Variants in LRFN2 observed in about 807,000 individuals in gnomAD.
LRFN2 encodes leucine rich repeat and fibronectin type III domain containing 2.
Under a neutral mutation model 37.3 loss-of-function variants are expected in LRFN2, and 18 were observed. The ratio of observed to expected loss-of-function variants is 0.48; its 90% CI spans 0.33 to 0.72. The LOEUF is 0.72. LRFN2 is among the 30% of genes least tolerant of loss of function. LRFN2 has a pLI of 0.02. For missense variants in LRFN2, 1,006 were observed against 1,060.7 expected, an observed-to-expected ratio of 0.95 and a Z score of 0.72; for synonymous variants, 556 against 466.6, an observed-to-expected ratio of 1.19 and a Z score of -2.47.
chr6:40,580,928 T>A (rs1184445872), intron 1 of LRFN2, among the ~76,000 whole-genome samples: 1 of 152,182 alleles, frequency 6.6e-6, no homozygotes, highest in Admixed American at 6.5e-5. Flanking sequence ...CATAAATGTA[T>A]GTGTGTATAA....
intron 1 of LRFN2, among the ~76,000 whole-genome samples, chr6:40,499,457 A>G (rs1243204967): frequency 6.6e-6 from 1 of 152,158 alleles, no homozygotes; most frequent in Non-Finnish European, 1.5e-5. Context: ...GCTGACTCCC[A>G]GGGTCAGAGC....
intron 1 of LRFN2, among the ~76,000 whole-genome samples, chr6:40,553,694 G>T (rs949525872): frequency 6.6e-6 from 1 of 152,206 alleles, no homozygotes; most frequent in African/African-American, 2.4e-5. Flanking sequence ...AGTTCTTAAT[G>T]AATTCGCCTC....
intron 1 of LRFN2, among the ~76,000 whole-genome samples, chr6:40,451,880 G>A (rs1417565752): frequency 6.6e-6 from 1 of 152,172 alleles, no homozygotes; most frequent in African/African-American, 2.4e-5. Flanking sequence ...CAGAAATAAT[G>A]AGAAGGCACA....
intron 1 of LRFN2, among the ~76,000 whole-genome samples, chr6:40,553,154 A>G (rs561146271): frequency 6.6e-6 from 1 of 152,210 alleles, no homozygotes; most frequent in East Asian, 1.9e-4. Context: ...AGCCACTTCT[A>G]GTTTCTAATT....
intron 2 of LRFN2, among the ~76,000 whole-genome samples, chr6:40,401,719 C>T (rs1762745480): frequency 6.6e-6 from 1 of 152,132 alleles, no homozygotes; most frequent in African/African-American, 2.4e-5. Flanking sequence ...GGTGTCTATA[C>T]AAGAAATCCT....
At chr6:40,513,488 C>A (rs1256151112) in intron 1 of LRFN2, among the ~76,000 whole-genome samples, 2 of 152,172 alleles carry the variant, frequency 1.3e-5, no homozygotes, top group African/African-American at 2.4e-5. Context: ...CCCACCTCAG[C>A]CTCCCAAAGT....
intron 1 of LRFN2, among the ~76,000 whole-genome samples, chr6:40,564,446 C>T (rs1275755686): frequency 6.6e-6 from 1 of 152,170 alleles, no homozygotes; most frequent in Non-Finnish European, 1.5e-5. Flanking sequence ...AAGGCAGACA[C>T]CCAAAGTTCA....
chr6:40,401,942 T>C (rs948692667), intron 2 of LRFN2, among the ~76,000 whole-genome samples: 4 of 152,128 alleles, frequency 2.6e-5, no homozygotes, highest in Non-Finnish European at 5.9e-5. Context: ...TGGCTCTCTG[T>C]GTCCTCATTA....
At chr6:40,405,535 G>A (rs1762828048) in intron 2 of LRFN2, among the ~76,000 whole-genome samples, 1 of 152,174 alleles carries the variant, frequency 6.6e-6, no homozygotes, top group East Asian at 1.9e-4. Context: ...ACATAAAGGA[G>A]TGGGCCATGC....
At chr6:40,476,973 A>T (rs1407869715) in intron 1 of LRFN2, among the ~76,000 whole-genome samples, 1 of 152,250 alleles carries the variant, frequency 6.6e-6, no homozygotes, top group African/African-American at 2.4e-5. Flanking sequence ...CTAGTTCCCC[A>T]GAGTCTCTTC....
intron 1 of LRFN2, among the ~76,000 whole-genome samples, chr6:40,562,467 G>C (rs1767016057): frequency 1.3e-5 from 2 of 152,012 alleles, no homozygotes; most frequent in Non-Finnish European, 2.9e-5. Context: ...GCAAAGGGAG[G>C]GGGAGAGAAG....
rs767743022 is a variant in LRFN2 at position 40,392,476 on chromosome 6, C to T, written c.1837G>A (p.Ala613Thr). 1.6e-5 allele frequency: 25 copies of T among 1,570,750 alleles called. No homozygotes were observed. Among genetic ancestry groups the T allele is most frequent in the South Asian group, 2.3e-5 (2 of 87,236 alleles). The change falls in exon 3 of 3, where the codon GCC becomes ACC. Residue 613 changes from alanine (A) to threonine (T), a missense_variant. Ala to Thr is a moderately conservative substitution (Grantham distance 58). Transcript: ENST00000338305. This position sits in a 1 kb window ranked among gnomAD's most constrained non-coding sequence, Gnocchi z 4.7. The part of the protein sequence containing the change: ...VVRNELLDFT[A>T]SLARASDSSS... ...GAGTCACTGGCGCGGGCCAGGCTGG[C>T]GGTGAAGTCCAGGAGCTCGTTGCGC...
intron 2 of LRFN2, among the ~76,000 whole-genome samples, chr6:40,426,545 C>T (rs946326051): frequency 6.6e-6 from 1 of 152,156 alleles, no homozygotes; most frequent in Non-Finnish European, 1.5e-5. Flanking sequence ...CAAATCATTT[C>T]GGAGCCAGAT....
At chr6:40,580,332 C>G in intron 1 of LRFN2, among the ~76,000 whole-genome samples, 2 of 152,280 alleles carry the variant, frequency 1.3e-5, no homozygotes, top group Middle Eastern at 6.8e-3. Context: ...CACCAAGAAG[C>G]GGCTGGAGTA....
In LRFN2 at chr6:40,391,979, A is replaced by G; in HGVS notation, c.2334T>C (p.Phe778=). The G allele has an allele frequency of 6.3e-7, 1 of 1,596,450 alleles. No individual in the cohort carries two copies. Among genetic ancestry groups the G allele is most frequent in the African/African-American group, 1.3e-5 (1 of 74,492 alleles). Residue 778 remains phenylalanine (F), a synonymous_variant, in exon 3 of 3, where the codon TTT becomes TTC. Transcript: ENST00000338305. ...TCTCCATCACCCATTCGGAGCTGCC[A>G]AAAGTCCCCCGGGCCCCCACCAGGT... ...ESDLVGARGT[F]GSSEWVMEST...
chr6:40,392,791 C>T lies in LRFN2; in HGVS notation c.1522G>A (p.Val508Met), dbSNP rs1316503125. 2 of 1,614,114 alleles carry T rather than the reference C, an allele frequency of 1.2e-6. No individual in the cohort carries two copies. Among genetic ancestry groups the T allele is most frequent in the African/African-American group, 1.3e-5 (1 of 75,062 alleles). Residue 508 changes from valine (V) to methionine (M), a missense_variant, in exon 3 of 3, where the codon GTG becomes ATG. This residue lies in a region of LRFN2 where 120 missense variants were observed against 178.4 expected (regional missense o/e 0.67). Transcript: ENST00000338305. The surrounding 1 kb of genome is among the most constrained non-coding windows in gnomAD (Gnocchi z 4.7). ...TTGGTGAAGAACTGGGCGCAGCCCA[C>T]GATGTTGGTGGCCGTGAGTGTCGTG... ...TATTLTATNI[V>M]GCAQFFTKAD...
chr6:40,536,400 A>T (rs1490943161), intron 1 of LRFN2, among the ~76,000 whole-genome samples: 1 of 152,166 alleles, frequency 6.6e-6, no homozygotes, highest in South Asian at 2.1e-4. Flanking sequence ...CTGGAACCGA[A>T]CCCAGAACAT....
At chr6:40,448,702 TACAAGGCTGGG>T (rs1281098915) in intron 1 of LRFN2, among the ~76,000 whole-genome samples, 1 of 152,232 alleles carries the variant, frequency 6.6e-6, no homozygotes, top group Non-Finnish European at 1.5e-5. Flanking sequence ...CTGGAGAGAT[TACAAGGCTGGG>T]AGATCCTAAT....
At chr6:40,555,448 C>G (rs1046754766) in intron 1 of LRFN2, among the ~76,000 whole-genome samples, 4 of 152,182 alleles carry the variant, frequency 2.6e-5, no homozygotes, top group African/African-American at 9.7e-5. Context: ...GTATTGATCA[C>G]AGACGAACAA....
Sources: gnomAD v4.1 joint callset for allele counts (sites outside exome capture counted in the v4.1 genomes callset) on GRCh38, gnomAD v4.1.1 for gene constraint, gnomAD v4.1.1 regional missense constraint, Gnocchi (gnomAD v3.1) non-coding constraint, MANE v1.5 for transcripts, NCBI Gene and HGNC (gene_info 2026-07-23, HGNC 2026-07-21) for gene names.